The following TLN2 variants were observed in gnomAD, a reference collection of about 807,000 sequenced individuals.
TLN2 encodes the protein talin-2.
TLN2 carries 118 observed loss-of-function variants against 294.7 expected under a neutral mutation model. The ratio of observed to expected loss-of-function variants is 0.40; its 90% confidence interval spans 0.34 to 0.47. The LOEUF is 0.47. Ranked by LOEUF, TLN2 falls within the 20% of genes least tolerant of loss-of-function variation. The pLI is 0.84. For synonymous variants in TLN2, 1,431 were observed against 1,304.5 expected (o/e 1.10, Z -2.09); for missense variants, 3,083 against 3,282.2 (o/e 0.94, Z 1.48).
At chr15:62,637,515 A>T (rs561088558) in intron 3 of TLN2, 3 of 152,338 alleles carry the variant, frequency 2.0e-5, no homozygotes, top group African/African-American at 7.2e-5. Context: ...TATCTTCCAC[A>T]TACAGGCCAG....
At chr15:62,452,520 A>G (rs923762784) in intron 1 of TLN2, among the ~76,000 whole-genome samples, 1 of 152,162 alleles carries the variant, frequency 6.6e-6, no homozygotes, top group Non-Finnish European at 1.5e-5. Flanking sequence ...AAGTACATTC[A>G]CATTGCTGGG....
At chr15:62,450,137 G>A (rs2036021264) in intron 1 of TLN2, among the ~76,000 whole-genome samples, 1 of 152,036 alleles carries the variant, frequency 6.6e-6, no homozygotes. Context: ...CTTCCAGGCC[G>A]GCCTCTCAGT....
At chr15:62,491,351 TACACACACACAC>T (rs1166046640) in intron 1 of TLN2, among the ~76,000 whole-genome samples, 1,527 of 100,280 alleles carry the variant, frequency 0.015, 28 homozygotes, top group African/African-American at 0.061. Context: ...TATATATATA[TACACACACACAC>T]ACACACACAC....
intron 3 of TLN2, chr15:62,640,136 A>G (rs1323228842): frequency 2.2e-6 from 1 of 454,922 alleles, no homozygotes; most frequent in Non-Finnish European, 4.4e-6. Flanking sequence ...GGTGGCTGTG[A>G]CCCAGTGCAT....
At chr15:62,572,936 G>C (rs1486616706) in intron 1 of TLN2, among the ~76,000 whole-genome samples, 1 of 151,896 alleles carries the variant, frequency 6.6e-6, no homozygotes, top group African/African-American at 2.4e-5. Context: ...TCCTCCCCTG[G>C]CCAAGTCCCG....
At chr15:62,657,639 A>G in intron 8 of TLN2, 132 bp from the exon 9 acceptor site, 1 of 1,378,956 alleles carries the variant, frequency 7.3e-7, no homozygotes, top group Non-Finnish European at 9.6e-7. Context: ...TGTGTCCTGC[A>G]CATGTCACCG....
chr15:62,605,261 A>C (rs889700280), intron 2 of TLN2, among the ~76,000 whole-genome samples: 1 of 152,224 alleles, frequency 6.6e-6, no homozygotes, highest in African/African-American at 2.4e-5. Flanking sequence ...ATCCTAGCCT[A>C]AATGCTATTA....
intron 1 of TLN2, among the ~76,000 whole-genome samples, chr15:62,568,944 A>G (rs1233827241): frequency 6.6e-6 from 1 of 152,080 alleles, no homozygotes; most frequent in Non-Finnish European, 1.5e-5. Flanking sequence ...ACAGGAATCT[A>G]TTCTCTCCCA....
At chr15:62,743,298 C>T (rs753227691) in intron 32 of TLN2, among the ~76,000 whole-genome samples, 40 of 151,960 alleles carry the variant, frequency 2.6e-4, no homozygotes, top group Non-Finnish European at 5.3e-4. Context: ...TGCGGGGACC[C>T]AGGCCTGGAC....
At chr15:62,504,846 T>TGTGTGTGTGTGTGTGA (rs1207922838) in intron 1 of TLN2, among the ~76,000 whole-genome samples, 21 of 144,474 alleles carry the variant, frequency 1.5e-4, no homozygotes, top group African/African-American at 5.5e-4. Context: ...TGTGTGTGTG[T>TGTGTGTGTGTGTGTGA]GAGAGAGAGA....
chr15:62,688,042 G>T (rs1208591413), intron 12 of TLN2: 1 of 152,216 alleles, frequency 6.6e-6, no homozygotes, highest in Non-Finnish European at 1.5e-5. Flanking sequence ...AGAAAGTGAA[G>T]TTGGGAATGG....
At chr15:62,692,995 G>C in intron 13 of TLN2, 54 bp downstream of exon 13, 1 of 1,494,514 alleles carries the variant, frequency 6.7e-7, no homozygotes, top group South Asian at 1.2e-5. Flanking sequence ...TAAAAGGCTT[G>C]GTTTCGATGA....
At chr15:62,687,155 C>T (rs560140153) in intron 12 of TLN2, among the ~76,000 whole-genome samples, 78 of 152,264 alleles carry the variant, frequency 5.1e-4, no homozygotes, top group African/African-American at 1.8e-3. Flanking sequence ...ACAAAGGCCC[C>T]CTCTCTGTTT....
At chr15:62,777,450 C>T (rs952641854) in intron 43 of TLN2, among the ~76,000 whole-genome samples, 42 of 151,434 alleles carry the variant, frequency 2.8e-4, no homozygotes, top group South Asian at 1.0e-3. Flanking sequence ...GCAGGAGAAT[C>T]GCTTGAACCC....
chr15:62,702,241 A>T lies in TLN2; in HGVS notation c.1905+41A>T, dbSNP rs1440467599. On this transcript the variant is annotated intron_variant, in intron 18 of 58. Coordinates refer to ENST00000636159, the MANE Select transcript of TLN2 (RefSeq NM_015059.3). ...AAGCAATCACTCAGGTTCTGATGGG[A>T]CAGCTGCATCCACTGGGGGACCATG... 3 of 1,535,364 alleles carry T rather than the reference A, an allele frequency of 2.0e-6. No individual in the cohort carries two copies. The African/African-American group carries it at 4.1e-5, about 21-fold the overall frequency.
At chr15:62,455,184 G>A (rs559514639) in intron 1 of TLN2, among the ~76,000 whole-genome samples, 2 of 126,618 alleles carry the variant, frequency 1.6e-5, no homozygotes, top group African/African-American at 2.9e-5. Context: ...TCCTGAGAGT[G>A]ATACAGAGGC....
At chr15:62,801,151 T>C (rs2065904217) in intron 50 of TLN2, among the ~76,000 whole-genome samples, 1 of 152,234 alleles carries the variant, frequency 6.6e-6, no homozygotes, top group Non-Finnish European at 1.5e-5. Context: ...ACATTGCTCT[T>C]GGTACCCGCA....
intron 22 of TLN2, among the ~76,000 whole-genome samples, chr15:62,713,499 C>A (rs966972834): frequency 7.9e-5 from 12 of 151,740 alleles, no homozygotes; most frequent in Non-Finnish European, 1.2e-4. Flanking sequence ...ACCGACATGG[C>A]AAAACCCTGT....
chr15:62,548,246 AATG>A (rs1254699212), intron 1 of TLN2, among the ~76,000 whole-genome samples: 2 of 152,152 alleles, frequency 1.3e-5, no homozygotes, highest in Non-Finnish European at 2.9e-5. Flanking sequence ...CAGGCAGGGG[AATG>A]ACACACAAAT....
Sources: gnomAD v4.1 joint callset for allele counts (sites outside exome capture counted in the v4.1 genomes callset) on GRCh38, gnomAD v4.1.1 for gene constraint, MANE v1.5 for transcripts, NCBI Gene and HGNC (gene_info 2026-07-23, HGNC 2026-07-21) for gene names.